The following DLG2 variants were observed in gnomAD, a reference collection of about 807,000 sequenced individuals.
The protein encoded by DLG2 is disks large homolog 2.
DLG2 carries 45 observed loss-of-function variants against 132.5 expected under a neutral mutation model. The ratio of observed to expected loss-of-function variants is 0.34; its 90% CI spans 0.27 to 0.44. DLG2 has a LOEUF of 0.44. Ranked by LOEUF, DLG2 falls within the 20% of genes least tolerant of loss-of-function variation. The pLI is 1.00. For synonymous variants in DLG2, 424 were observed against 419.6 expected (o/e 1.01, Z -0.13); for missense variants, 1,045 against 1,196.9 (o/e 0.87, Z 1.87).
At chr11:84,044,145 T>C (rs2096179668) in intron 11 of DLG2, among the ~76,000 whole-genome samples, 1 of 151,790 alleles carries the variant, frequency 6.6e-6, no homozygotes, top group Admixed American at 6.6e-5. Flanking sequence ...ATTTGTATGA[T>C]TTTAGGCAAG....
intron 6 of DLG2, among the ~76,000 whole-genome samples, chr11:84,597,931 A>G (rs927328604): frequency 3.3e-5 from 5 of 152,240 alleles, no homozygotes; most frequent in African/African-American, 1.2e-4. Context: ...TGAAAAGAGA[A>G]CAAATTAAAT....
chr11:84,917,533 G>T (rs999368538), intron 6 of DLG2, among the ~76,000 whole-genome samples: 1 of 152,082 alleles, frequency 6.6e-6, no homozygotes, highest in Admixed American at 6.5e-5. Context: ...CTAAACTTTA[G>T]TTTCCTCATA....
Position 83,538,404 on chromosome 11 carries a change from A to G in DLG2, c.2117+3278T>C, listed in dbSNP as rs934434009. On this transcript the variant is annotated intron_variant, in intron 20 of 27. Coordinates refer to ENST00000376104, the MANE Select transcript of DLG2 (RefSeq NM_001142699.3). The stretch of plus-strand genomic sequence containing the variant: ...GCAGTTGCTCATAGAGACATCAGAA[A>G]GGCATGTGTTTGAATCTAGGCTTAG... 3.3e-5 allele frequency among the ~76,000 whole-genome samples: 5 copies of G among 152,216 alleles called. No homozygotes were observed. In the East Asian group the frequency reaches 7.7e-4, roughly 23 times the overall value.
At chr11:85,481,719 C>A (rs1338674394) in intron 3 of DLG2, among the ~76,000 whole-genome samples, 1 of 151,898 alleles carries the variant, frequency 6.6e-6, no homozygotes, top group East Asian at 2.0e-4. Flanking sequence ...ATCAGGCTAG[C>A]CCTCACAGCC....
At chr11:84,205,298 G>A (rs2096650876) in intron 8 of DLG2, among the ~76,000 whole-genome samples, 1 of 152,104 alleles carries the variant, frequency 6.6e-6, no homozygotes, top group African/African-American at 2.4e-5. Context: ...TATATTTGGA[G>A]ACTTTAATAT....
chr11:85,367,118 A>AT (rs1407258397), intron 3 of DLG2, among the ~76,000 whole-genome samples: 2 of 152,194 alleles, frequency 1.3e-5, no homozygotes, highest in Non-Finnish European at 2.9e-5. Flanking sequence ...ACAGAATGCG[A>AT]TTTTAGATCA....
intron 17 of DLG2, among the ~76,000 whole-genome samples, chr11:83,812,217 A>C (rs2047486212): frequency 6.6e-6 from 1 of 152,144 alleles, no homozygotes. Flanking sequence ...GGCATTTTCT[A>C]GAAGAACTGT....
intron 3 of DLG2, among the ~76,000 whole-genome samples, chr11:85,420,903 A>C (rs1338479933): frequency 6.6e-6 from 1 of 152,156 alleles, no homozygotes; most frequent in Non-Finnish European, 1.5e-5. Context: ...GAGCTAGACC[A>C]CTTGGCTTCC....
chr11:85,457,764 T>A (rs191637180), intron 3 of DLG2, among the ~76,000 whole-genome samples: 1 of 152,338 alleles, frequency 6.6e-6, no homozygotes, highest in East Asian at 1.9e-4. Flanking sequence ...TATAGGCCCT[T>A]ATTCTCCTCT....
chr11:84,087,729 G>T (rs1168924765), intron 10 of DLG2, among the ~76,000 whole-genome samples: 1 of 152,246 alleles, frequency 6.6e-6, no homozygotes, highest in South Asian at 2.1e-4. Flanking sequence ...TGGAGAAAAG[G>T]GTTATGAGCC....
At chr11:83,878,642 CT>C (rs1374811735) in intron 15 of DLG2, among the ~76,000 whole-genome samples, 4 of 152,122 alleles carry the variant, frequency 2.6e-5, no homozygotes, top group African/African-American at 9.7e-5. Context: ...ATGAAGATCA[CT>C]TAATAAAGGA....
chr11:84,867,332 T>C (rs12786519), intron 6 of DLG2, among the ~76,000 whole-genome samples: 14,162 of 152,242 alleles, frequency 0.093, 792 homozygotes, highest in Non-Finnish European at 0.12. Flanking sequence ...AGTGGGAGTA[T>C]GGACTCCTTT....
At chr11:85,010,346 T>C (rs970874361) in intron 6 of DLG2, among the ~76,000 whole-genome samples, 4 of 152,096 alleles carry the variant, frequency 2.6e-5, no homozygotes, top group Non-Finnish European at 5.9e-5. Context: ...TTTTAAGTTC[T>C]AGTAATAAAA....
intron 7 of DLG2, among the ~76,000 whole-genome samples, chr11:84,361,901 G>T (rs537933287): frequency 9.7e-4 from 148 of 151,838 alleles, no homozygotes; most frequent in Middle Eastern, 3.4e-3. Context: ...AAAATTAAAA[G>T]AAATATAGGT....
intron 6 of DLG2, among the ~76,000 whole-genome samples, chr11:84,748,983 A>C (rs1035088854): frequency 6.6e-6 from 1 of 152,218 alleles, no homozygotes; most frequent in Non-Finnish European, 1.5e-5. Context: ...AGCCTGGACA[A>C]AACAGCAACA....
At chr11:85,228,371 A>G (rs541606099) in intron 4 of DLG2, among the ~76,000 whole-genome samples, 2 of 152,248 alleles carry the variant, frequency 1.3e-5, no homozygotes, top group African/African-American at 4.8e-5. Context: ...CACATGATAG[A>G]AATGTTTAAG....
At chr11:83,622,118 G>T (rs2061725001) in intron 19 of DLG2, among the ~76,000 whole-genome samples, 1 of 151,982 alleles carries the variant, frequency 6.6e-6, no homozygotes, top group Non-Finnish European at 1.5e-5. Context: ...GGTAGAGATG[G>T]GGTTTCACCA....
At chr11:84,567,152 T>C (rs1334501414) in intron 6 of DLG2, among the ~76,000 whole-genome samples, 1 of 152,108 alleles carries the variant, frequency 6.6e-6, no homozygotes, top group African/African-American at 2.4e-5. Context: ...GCCTTTAACT[T>C]AGCCACACAA....
At chr11:83,758,020 T>A (rs1315954095) in intron 18 of DLG2, among the ~76,000 whole-genome samples, 1 of 152,188 alleles carries the variant, frequency 6.6e-6, no homozygotes, top group African/African-American at 2.4e-5. Flanking sequence ...TATTACAGAA[T>A]TTAGGCTAGA....
Sources: gnomAD v4.1 joint callset for allele counts (sites outside exome capture counted in the v4.1 genomes callset) on GRCh38, gnomAD v4.1.1 for gene constraint, MANE v1.5 for transcripts, NCBI Gene and HGNC (gene_info 2026-07-23, HGNC 2026-07-21) for gene names.